RNASE11: variants seen among roughly 807,000 people sequenced by gnomAD.
RNASE11 encodes putative inactive ribonuclease 11.
For synonymous variants in RNASE11, 105 were observed against 86.1 expected (o/e 1.22, Z -1.21); for missense variants, 252 against 237.8 (o/e 1.06, Z -0.39).
chr14:20,585,315 A>G (rs1393849805), intron 1 of RNASE11, among the ~76,000 whole-genome samples: 2 of 152,176 alleles, frequency 1.3e-5, no homozygotes, highest in Non-Finnish European at 2.9e-5. Flanking sequence ...ATTTATACCA[A>G]AACCCAGCAT....
At chr14:20,587,396 G>A (rs992029099) in intron 1 of RNASE11, among the ~76,000 whole-genome samples, 167 bp downstream of exon 2, 1 of 152,092 alleles carries the variant, frequency 6.6e-6, no homozygotes, top group Non-Finnish European at 1.5e-5. Context: ...AAAAAGCACT[G>A]AAAAGGAAAG....
chr14:20,590,209 G>T, upstream of RNASE11: 1 of 1,574,504 alleles, frequency 6.4e-7, no homozygotes, highest in East Asian at 2.2e-5. Context: ...CACGGTCCAG[G>T]TCTGCCTCAG....
At chr14:20,587,465 A>G (rs1209960158) in intron 1 of RNASE11, 98 bp downstream of exon 2, 1 of 463,558 alleles carries the variant, frequency 2.2e-6, no homozygotes, top group East Asian at 1.5e-4. Context: ...CAGAAAATAG[A>G]TGTAGGAACC....
upstream of RNASE11, among the ~76,000 whole-genome samples, chr14:20,588,844 T>A (rs191307793): frequency 0.014 from 2,096 of 152,282 alleles, 62 homozygotes; most frequent in African/African-American, 0.049. Flanking sequence ...TGGAGTGCAA[T>A]GGCATGATCT....
chr14:20,587,809 A>C, upstream of RNASE11: 2 of 985,466 alleles, frequency 2.0e-6, no homozygotes, highest in East Asian at 2.3e-4. Context: ...GATCAATCGC[A>C]TGGAACTTGA....
intron 1 of RNASE11, among the ~76,000 whole-genome samples, chr14:20,587,279 T>C (rs1213308574): frequency 1.3e-5 from 2 of 152,232 alleles, no homozygotes; most frequent in African/African-American, 4.8e-5. Context: ...TTGATCCCTA[T>C]TGAATGAAAT....
At chr14:20,590,068 T>C (rs148663431), upstream of RNASE11, 811 of 961,754 alleles carry the variant, frequency 8.4e-4, no homozygotes, top group Non-Finnish European at 1.1e-3. Context: ...GAAACACATG[T>C]AGAATTTATG....
upstream of RNASE11, among the ~76,000 whole-genome samples, chr14:20,589,353 A>G (rs1012488609): frequency 6.7e-6 from 1 of 149,800 alleles, no homozygotes; most frequent in African/African-American, 2.5e-5. Context: ...TCCTGGGTTC[A>G]CGCCATTCTC....
chr14:20,585,783 C>G (rs1884422380), intron 1 of RNASE11, among the ~76,000 whole-genome samples: 1 of 152,162 alleles, frequency 6.6e-6, no homozygotes, highest in Non-Finnish European at 1.5e-5. Flanking sequence ...TTTCTCAACA[C>G]TATTTGTTAA....
At chr14:20,584,485 G>C (rs1884391234) in exon 2 of RNASE11, 1 of 1,564,214 alleles carries the variant, frequency 6.4e-7, no homozygotes, top group Non-Finnish European at 8.6e-7. Context: ...CTCAGATGTA[G>C]TGTAATCTCT....
exon 2 of RNASE11, chr14:20,584,336 G>C: frequency 6.2e-7 from 1 of 1,614,112 alleles, no homozygotes; most frequent in Non-Finnish European, 8.5e-7. Context: ...TCAATGGTCT[G>C]TTTTTCTTGG....
upstream of RNASE11, among the ~76,000 whole-genome samples, chr14:20,589,442 A>T (rs1756543): frequency 4.8e-3 from 728 of 151,290 alleles, 9 homozygotes; most frequent in African/African-American, 0.016. Context: ...TTTAGTAGAG[A>T]CAGGGTTTCA....
upstream of RNASE11, chr14:20,590,064 C>T (rs1256925016): frequency 2.2e-6 from 2 of 915,818 alleles, no homozygotes; most frequent in African/African-American, 3.3e-5. Context: ...AATGGAAACA[C>T]ATGTAGAATT....
At chr14:20,586,350 G>A (rs1481121568) in intron 1 of RNASE11, among the ~76,000 whole-genome samples, 5 of 151,742 alleles carry the variant, frequency 3.3e-5, no homozygotes, top group African/African-American at 7.3e-5. Flanking sequence ...TTTCATCACC[G>A]CTTAAGTCTA....
exon 2 of RNASE11, chr14:20,583,589 C>A: frequency 3.0e-6 from 1 of 328,246 alleles, no homozygotes; most frequent in Non-Finnish European, 5.6e-6. Flanking sequence ...GATTCTGTTT[C>A]TTGGCTTTAT....
upstream of RNASE11, chr14:20,587,820 T>C (rs1884468090): frequency 6.1e-6 from 6 of 985,484 alleles, no homozygotes; most frequent in Non-Finnish European, 7.2e-6. Context: ...TGGAACTTGA[T>C]GGTTACAAAA....
At chr14:20,583,474 CA>C, downstream of RNASE11, 1 of 186,610 alleles carries the variant, frequency 5.4e-6, no homozygotes, top group Admixed American at 5.3e-5. Flanking sequence ...ATATATGTCA[CA>C]CTCATTCACT....
intron 1 of RNASE11, among the ~76,000 whole-genome samples, chr14:20,586,782 A>G (rs1884443111): frequency 6.6e-6 from 1 of 152,224 alleles, no homozygotes; most frequent in African/African-American, 2.4e-5. Flanking sequence ...AGTCTTTCTG[A>G]GACATATATT....
upstream of RNASE11, chr14:20,587,728 G>A: frequency 1.0e-6 from 1 of 985,418 alleles, no homozygotes; most frequent in Non-Finnish European, 1.2e-6. Context: ...AGATGAGTAA[G>A]CGTTGCCTAC....
Sources: gnomAD v4.1 joint callset for allele counts (sites outside exome capture counted in the v4.1 genomes callset) on GRCh38, gnomAD v4.1.1 for gene constraint, MANE v1.5 for transcripts, NCBI Gene and HGNC (gene_info 2026-07-23, HGNC 2026-07-21) for gene names.